Variants in CRIM1 observed in about 807,000 individuals in gnomAD.
The protein encoded by CRIM1 is cysteine-rich motor neuron 1 protein.
A neutral mutation model predicts 116.4 loss-of-function variants in CRIM1; 32 were observed. That is an observed-to-expected ratio of 0.27 (90% confidence interval 0.21 to 0.37). CRIM1 has a LOEUF of 0.37. CRIM1 is among the 10% of genes least tolerant of loss of function. CRIM1 has a pLI of 1.00. For synonymous variants in CRIM1, 590 were observed against 509.2 expected, an observed-to-expected ratio of 1.16 and a Z score of -2.13; for missense variants, 1,331 against 1,354.8, an observed-to-expected ratio of 0.98 and a Z score of 0.28.
intron 2 of CRIM1, among the ~76,000 whole-genome samples, chr2:36,436,128 A>G (rs762394901): frequency 1.4e-4 from 22 of 152,142 alleles, no homozygotes; most frequent in African/African-American, 4.1e-4. Context: ...TATTTTCTCC[A>G]TGGAAAAAAC....
At chr2:36,506,914 G>A (rs1300022506) in intron 8 of CRIM1, among the ~76,000 whole-genome samples, 4 of 151,852 alleles carry the variant, frequency 2.6e-5, no homozygotes, top group African/African-American at 9.7e-5. Context: ...CTGGTGTGCA[G>A]TGGTGCAGTC....
intron 14 of CRIM1, 145 bp downstream of exon 14, chr2:36,537,691 C>G: frequency 2.3e-6 from 2 of 884,230 alleles, no homozygotes; most frequent in South Asian, 1.9e-5. Flanking sequence ...CACCCAAAGA[C>G]CCTATGGGTA....
At chr2:36,532,261 A>C (rs1162712982) in intron 13 of CRIM1, among the ~76,000 whole-genome samples, 1 of 152,174 alleles carries the variant, frequency 6.6e-6, no homozygotes, top group Non-Finnish European at 1.5e-5. Flanking sequence ...TTAGAAGGGG[A>C]TCATGTTTAT....
At position 36,399,254 on chromosome 2, in the gene CRIM1, C is replaced by T. The variant is rs148498204; in HGVS notation, c.505+2467C>T. ...TTATAGGTTTATGAACAGACAGAAT[C>T]AGAAAGAAGATGGTGAAGTCAACAT... On this transcript the variant is annotated intron_variant, in intron 2 of 16. Coordinates refer to ENST00000280527, the MANE Select transcript of CRIM1 (RefSeq NM_016441.3). Among the ~76,000 whole-genome samples, 90 of 152,272 alleles carry T rather than the reference C, an allele frequency of 5.9e-4. 1 individual carries two copies. In the East Asian group the frequency reaches 0.016, roughly 26 times the overall value.
rs1185517754 is a variant in CRIM1, at chr2:36,549,774, TAGG to T, written c.*1076_*1078del. On this transcript the variant is annotated 3_prime_UTR_variant, in exon 17 of 17. Transcript: ENST00000280527. ...ATGCCTCTTTAAACTTTAGCAATTA[TAGG>T]AGTATTTATGTAACTATCTTATGCT... 2 of 152,372 alleles carry T rather than the reference TAGG, an allele frequency of 1.3e-5. No individual in the cohort carries two copies. The highest frequency in any genetic ancestry group is 4.1e-4 in the South Asian group (2 of 4,824). The allele number at this position is 152,372 out of a possible 1,614,324, so 9.4% of individuals were successfully genotyped here.
chr2:36,416,175 T>A (rs957414246), intron 2 of CRIM1, among the ~76,000 whole-genome samples: 1 of 151,910 alleles, frequency 6.6e-6, no homozygotes, highest in Non-Finnish European at 1.5e-5. Context: ...GCCACTGCAC[T>A]CCAGTCTGGG....
chr2:36,356,322 G>T lies in CRIM1; in HGVS notation c.30G>T (p.Leu10Phe). 1 of 1,574,164 alleles carries T rather than the reference G, an allele frequency of 6.4e-7. No homozygotes were observed. ...ACTTGGTGGCGGGGGACAGGGGGTTGGCCGGCTGCGGGCACCTCCTGGTCT... is the reference window on the plus strand; with the variant it reads ...ACTTGGTGGCGGGGGACAGGGGGTTTGCCGGCTGCGGGCACCTCCTGGTCT... MYLVAGDRG[L>F]AGCGHLLVSL... Residue 10 changes from leucine (L) to phenylalanine (F), a missense_variant, in exon 1 of 17, where the codon TTG (leucine) becomes TTT (phenylalanine). This residue lies in a region of CRIM1 where 690 missense variants were observed against 676.0 expected (regional missense o/e 1.02). Transcript: ENST00000280527. The surrounding 1 kb of genome is among the most constrained non-coding windows in gnomAD (Gnocchi z 4.3).
intron 11 of CRIM1, among the ~76,000 whole-genome samples, chr2:36,514,776 C>T (rs72866880): frequency 1.4e-3 from 208 of 152,280 alleles, no homozygotes; most frequent in African/African-American, 4.7e-3. Context: ...GGGAGGGAAA[C>T]TGACCTTGTT....
At chr2:36,434,905 T>C (rs2124914087) in intron 2 of CRIM1, among the ~76,000 whole-genome samples, 1 of 152,314 alleles carries the variant, frequency 6.6e-6, no homozygotes, top group South Asian at 2.1e-4. Context: ...CTCCCTTCTT[T>C]CATGCAAGCC....
chr2:36,508,970 T>TC (rs1297418817), intron 8 of CRIM1, among the ~76,000 whole-genome samples: 2 of 152,210 alleles, frequency 1.3e-5, no homozygotes, highest in Admixed American at 1.3e-4. Flanking sequence ...GAGTATTTTT[T>TC]CAACACACAC....
Position 36,358,423 on chromosome 2 carries a change from T to C in CRIM1, c.331+1800T>C, listed in dbSNP as rs566751880. On this transcript the variant is annotated intron_variant, in intron 1 of 16. Transcript: ENST00000280527. ...AACTGCTGTGTTCCAAGAAGGACTT[T>C]TGCAGGTTCTGAAGATTCTAACCCT... 6.6e-5 allele frequency among the ~76,000 whole-genome samples: 10 copies of C among 152,372 alleles called. No individual in the cohort carries two copies. In the East Asian group the frequency reaches 1.7e-3, roughly 26 times the overall value.
At chr2:36,410,481 A>G (rs1435144044) in intron 2 of CRIM1, among the ~76,000 whole-genome samples, 1 of 152,102 alleles carries the variant, frequency 6.6e-6, no homozygotes, top group Non-Finnish European at 1.5e-5. Flanking sequence ...AAAATGAGCT[A>G]CTATTGTATC....
chr2:36,498,313 GA>G (rs1043347617), intron 7 of CRIM1, among the ~76,000 whole-genome samples: 1 of 152,100 alleles, frequency 6.6e-6, no homozygotes, highest in African/African-American at 2.4e-5. Flanking sequence ...GCCTGGGTTT[GA>G]ATCTTGGGTC....
intron 5 of CRIM1, among the ~76,000 whole-genome samples, chr2:36,472,238 G>T (rs1458078013): frequency 6.6e-6 from 1 of 151,930 alleles, no homozygotes; most frequent in Non-Finnish European, 1.5e-5. Flanking sequence ...GGAGATTGTG[G>T]CAATCTCCAC....
rs77941106 is a variant in CRIM1 at position 36,510,214 on chromosome 2, A to G, written c.1658+75A>G. On this transcript the variant is annotated intron_variant, in intron 9 of 16. Coordinates refer to ENST00000280527, the MANE Select transcript of CRIM1 (RefSeq NM_016441.3). ...AATGTTTCTACACATTTTGTTTTAT[A>G]TGTTGTTTGTGAATTAATCTATGGT... 3.6e-5 allele frequency: 51 copies of G among 1,433,612 alleles called. No homozygotes were observed. In the East Asian group the frequency reaches 1.1e-3, roughly 31 times the overall value. 88.8% of individuals were successfully genotyped at this position (1,433,612 alleles called of 1,614,324 possible).
chr2:36,438,675 G>A (rs1675535872), intron 2 of CRIM1, among the ~76,000 whole-genome samples: 1 of 152,208 alleles, frequency 6.6e-6, no homozygotes, highest in African/African-American at 2.4e-5. Flanking sequence ...GTAAGAGGGA[G>A]CAGGGATGTA....
chr2:36,465,889 C>CTT lies in CRIM1; in HGVS notation c.991+1247_991+1248dup, dbSNP rs546998292. On this transcript the variant is annotated intron_variant, in intron 5 of 16. Coordinates refer to ENST00000280527, the MANE Select transcript of CRIM1 (RefSeq NM_016441.3). Reference sequence around the variant, plus strand: ...TCAGATGTAAATAATCTTTAGTATTCTTTTTTTTTTTTTTGAGACAGAGTC... The same window carrying CTT: ...TCAGATGTAAATAATCTTTAGTATTCTTTTTTTTTTTTTTTTGAGACAGAGTC... 8.4e-3 allele frequency among the ~76,000 whole-genome samples: 1,207 copies of CTT among 143,374 alleles called. 9 individuals are homozygous for CTT. The highest frequency in any genetic ancestry group is 0.021 in the Middle Eastern group (6 of 280). The allele number at this position is 143,374 out of a possible 152,430, so 94.1% of individuals were successfully genotyped here.
At chr2:36,424,826 T>TCAG in intron 2 of CRIM1, among the ~76,000 whole-genome samples, 1 of 152,320 alleles carries the variant, frequency 6.6e-6, no homozygotes. Flanking sequence ...TCTTTACAAA[T>TCAG]TGTATGCATG....
intron 1 of CRIM1, among the ~76,000 whole-genome samples, chr2:36,374,015 G>A (rs75371467): frequency 0.036 from 5,546 of 152,260 alleles, 320 homozygotes; most frequent in African/African-American, 0.12. Context: ...AGCCGTGGGC[G>A]TCTTTTCCTG....
Sources: gnomAD v4.1 joint callset for allele counts (sites outside exome capture counted in the v4.1 genomes callset) on GRCh38, gnomAD v4.1.1 for gene constraint, gnomAD v4.1.1 regional missense constraint, Gnocchi (gnomAD v3.1) non-coding constraint, MANE v1.5 for transcripts, NCBI Gene and HGNC (gene_info 2026-07-23, HGNC 2026-07-21) for gene names.